CSMD3: variants seen among roughly 807,000 people sequenced by gnomAD.
The protein encoded by CSMD3 is CUB and sushi domain-containing protein 3.
In CSMD3, 177 loss-of-function variants were observed where a neutral mutation model predicts 435.2. The ratio of observed to expected loss-of-function variants is 0.41; its 90% confidence interval spans 0.36 to 0.46. CSMD3 has a LOEUF of 0.46. CSMD3 is among the 20% of genes least tolerant of loss of function. The pLI is 0.34. For missense variants in CSMD3, 4,265 were observed against 4,504.6 expected, an observed-to-expected ratio of 0.95 and a Z score of 1.52; for synonymous variants, 1,656 against 1,520.5, an observed-to-expected ratio of 1.09 and a Z score of -2.07.
In CSMD3 at chr8:112,247,059, G is replaced by A; in HGVS notation, c.10183C>T (p.Pro3395Ser). Residue 3395 changes from proline (P) to serine (S), a missense_variant, in exon 64 of 71, where the codon CCT (proline) becomes TCT (serine). Around this residue, in one of 3 missense-constraint regions of CSMD3, gnomAD observed 3,255 missense variants for 3,380.2 expected, o/e 0.96. Transcript: ENST00000297405. ...TGAATCCCACTCCACGTAAGATCAG[G>A]GAGGCAGGTGCGTGTTGTAGACCCT... is the stretch of plus-strand genomic sequence containing the variant. The part of the protein sequence containing the change: ...LQGSTTRTCL[P>S]DLTWSGIQPE... 1 of 1,613,818 alleles carries A rather than the reference G, an allele frequency of 6.2e-7. No homozygotes were observed. Among genetic ancestry groups the A allele is most frequent in the Non-Finnish European group, 8.5e-7 (1 of 1,179,860 alleles).
intron 5 of CSMD3, among the ~76,000 whole-genome samples, chr8:113,090,583 A>G (rs1346156883): frequency 6.6e-6 from 1 of 152,128 alleles, no homozygotes; most frequent in Non-Finnish European, 1.5e-5. Flanking sequence ...TAATGTGCTT[A>G]GAAGAGGCAA....
At chr8:112,268,588 A>C (rs537743609) in intron 59 of CSMD3, among the ~76,000 whole-genome samples, 1 of 152,318 alleles carries the variant, frequency 6.6e-6, no homozygotes, top group African/African-American at 2.4e-5. Context: ...GACATGCATA[A>C]CATTTTTAAT....
chr8:112,231,344 T>G (rs1342593751), intron 69 of CSMD3, among the ~76,000 whole-genome samples: 2 of 152,224 alleles, frequency 1.3e-5, no homozygotes, highest in African/African-American at 4.8e-5. Flanking sequence ...ATCTAAACAC[T>G]GTACAGAGTT....
rs1301078278 is a variant in CSMD3 at position 112,605,771 on chromosome 8, C to A, written c.3716-18536G>T. ...TCATGTAACAAACCTGCACATGTAC[C>A]CCCTGAACCTAAAATAAAACTTGGA... On this transcript the variant is annotated intron_variant, in intron 22 of 70. Transcript: ENST00000297405. Among the ~76,000 whole-genome samples, 4 of 152,068 alleles carry A rather than the reference C, an allele frequency of 2.6e-5. No individual in the cohort carries two copies. The East Asian group carries it at 5.8e-4, about 22-fold the overall frequency.
At chr8:112,384,139 T>G (rs529419455) in intron 36 of CSMD3, among the ~76,000 whole-genome samples, 1 of 152,336 alleles carries the variant, frequency 6.6e-6, no homozygotes, top group South Asian at 2.1e-4. Flanking sequence ...TGGATACTTT[T>G]AATTTATCCT....
chr8:112,518,418 G>A (rs1324905497), intron 27 of CSMD3, among the ~76,000 whole-genome samples: 1 of 151,992 alleles, frequency 6.6e-6, no homozygotes, highest in African/African-American at 2.4e-5. Flanking sequence ...TGAGTTGAGA[G>A]GACAGCTTGA....
chr8:113,143,310 A>G (rs929321694), intron 4 of CSMD3, among the ~76,000 whole-genome samples: 5 of 151,438 alleles, frequency 3.3e-5, no homozygotes, highest in East Asian at 1.9e-4. Flanking sequence ...ATAAAAAAAC[A>G]GTAATGCCTC....
At chr8:112,410,924 G>A (rs1811261820) in intron 32 of CSMD3, among the ~76,000 whole-genome samples, 1 of 150,168 alleles carries the variant, frequency 6.7e-6, no homozygotes. Flanking sequence ...AAAGGCTCTT[G>A]GCATGTAATT....
At chr8:112,484,521 A>T (rs1008538095) in intron 31 of CSMD3, among the ~76,000 whole-genome samples, 3 of 151,972 alleles carry the variant, frequency 2.0e-5, no homozygotes, top group Middle Eastern at 3.2e-3. Flanking sequence ...ACACATATAT[A>T]TATATGGTCC....
At chr8:113,172,152 T>G (rs188329855) in intron 4 of CSMD3, among the ~76,000 whole-genome samples, 1 of 152,304 alleles carries the variant, frequency 6.6e-6, no homozygotes, top group Non-Finnish European at 1.5e-5. Flanking sequence ...TCAACAGTCT[T>G]GTGTTTTTCA....
chr8:113,433,296 G>A (rs973904608), intron 1 of CSMD3, among the ~76,000 whole-genome samples: 10 of 152,124 alleles, frequency 6.6e-5, no homozygotes, highest in Non-Finnish European at 1.2e-4. Context: ...CTGATGTGTT[G>A]GGAAAGACTG....
chr8:112,808,976 T>A (rs1485311201), intron 12 of CSMD3, among the ~76,000 whole-genome samples: 1 of 152,164 alleles, frequency 6.6e-6, no homozygotes, highest in African/African-American at 2.4e-5. Flanking sequence ...ACTCATTTGC[T>A]GAGATTAGGC....
chr8:112,278,963 G>A (rs1307160041), intron 59 of CSMD3, among the ~76,000 whole-genome samples: 2 of 151,884 alleles, frequency 1.3e-5, no homozygotes, highest in Admixed American at 1.3e-4. Context: ...GGACAGAGTA[G>A]AGAAGATTGC....
chr8:112,945,911 G>A lies in CSMD3; in HGVS notation c.1508+1879C>T, dbSNP rs555681316. The stretch of plus-strand genomic sequence containing the variant: ...CACATATACTTCTTCCAATATCCAC[G>A]GGAGTAGGACCTTCTTAAATTATGT... On this transcript the variant is annotated intron_variant, in intron 9 of 70. Coordinates refer to ENST00000297405, the MANE Select transcript of CSMD3 (RefSeq NM_198123.2). Among the ~76,000 whole-genome samples the A allele has an allele frequency of 1.6e-4, 24 of 151,536 alleles. 1 individual carries two copies. Among genetic ancestry groups the A allele is most frequent in the Admixed American group, 4.6e-4 (7 of 15,134 alleles).
chr8:112,586,742 G>A (rs1437933712), intron 23 of CSMD3, among the ~76,000 whole-genome samples: 1 of 150,936 alleles, frequency 6.6e-6, no homozygotes, highest in East Asian at 1.9e-4. Context: ...ATTTGATGAT[G>A]TTTTATATAT....
chr8:112,870,632 A>T (rs1259700202), intron 10 of CSMD3, among the ~76,000 whole-genome samples: 1 of 151,996 alleles, frequency 6.6e-6, no homozygotes, highest in African/African-American at 2.4e-5. Context: ...CACCAAACAA[A>T]ATGACTATTA....
chr8:113,201,427 T>C (rs1016978125), intron 3 of CSMD3, among the ~76,000 whole-genome samples: 2 of 151,990 alleles, frequency 1.3e-5, no homozygotes, highest in African/African-American at 4.8e-5. Context: ...CTTCCACTCC[T>C]TATGTGAGTC....
intron 13 of CSMD3, among the ~76,000 whole-genome samples, chr8:112,726,924 G>A (rs1387464885): frequency 6.6e-6 from 1 of 151,618 alleles, no homozygotes; most frequent in Non-Finnish European, 1.5e-5. Context: ...TGATTCAAGA[G>A]AAAATGACTG....
intron 28 of CSMD3, among the ~76,000 whole-genome samples, chr8:112,514,825 T>C (rs777142786): frequency 7.9e-5 from 12 of 152,092 alleles, no homozygotes; most frequent in Admixed American, 2.0e-4. Flanking sequence ...TGGCATGGTA[T>C]TTCCAATCAT....
Sources: gnomAD v4.1 joint callset for allele counts (sites outside exome capture counted in the v4.1 genomes callset) on GRCh38, gnomAD v4.1.1 for gene constraint, gnomAD v4.1.1 regional missense constraint, MANE v1.5 for transcripts, NCBI Gene and HGNC (gene_info 2026-07-23, HGNC 2026-07-21) for gene names.